CAT: variants seen among roughly 807,000 people sequenced by gnomAD.
CAT encodes the protein epididymis secretory sperm binding protein.
Under a neutral mutation model 59.0 loss-of-function variants are expected in CAT, and 43 were observed. The observed-to-expected ratio is 0.73, with a 90% CI of 0.57 to 0.94. The LOEUF (loss-of-function observed/expected upper bound fraction) is 0.94, where lower values mean the gene tolerates loss of function less well. Among genes scored for constraint, CAT ranks in the 40% least tolerant of loss-of-function variants. The pLI, the probability that CAT is intolerant of heterozygous loss-of-function variation, is 0.00. For missense variants in CAT, 664 were observed against 682.9 expected, an observed-to-expected ratio of 0.97 and a Z score of 0.31; for synonymous variants, 218 against 230.9, an observed-to-expected ratio of 0.94 and a Z score of 0.51.
rs58169234 is a variant in CAT at position 34,445,495 on chromosome 11, C to CAA, written c.67-3671_67-3670dup. Among the ~76,000 whole-genome samples, 303 of 36,316 alleles carry CAA rather than the reference C, an allele frequency of 8.3e-3. 47 individuals carry two copies. The highest frequency in any genetic ancestry group is 0.018 in the East Asian group (17 of 924). 23.8% of individuals were successfully genotyped at this position (36,316 alleles called of 152,430 possible). Reference sequence around the variant, plus strand: ...TGGGCAATAGAGCGAGACTCCATCTCAAAAAAAAAAAAAAAAAAAAAAAAA... The same window carrying CAA: ...TGGGCAATAGAGCGAGACTCCATCTCAAAAAAAAAAAAAAAAAAAAAAAAAAA... On this transcript the variant is annotated intron_variant, in intron 1 of 12. Coordinates refer to ENST00000241052, the MANE Select transcript of CAT (RefSeq NM_001752.4).
chr11:34,458,353 G>T (rs1856614100), intron 8 of CAT, among the ~76,000 whole-genome samples: 1 of 152,158 alleles, frequency 6.6e-6, no homozygotes, highest in Non-Finnish European at 1.5e-5. Context: ...GGAGTGAAAA[G>T]CTTTCTTCAG....
In CAT at chr11:34,439,087, C is replaced by G. The variant is rs756907377; in HGVS notation, c.66+8C>G. On this transcript the variant is annotated splice_region_variant and intron_variant, in intron 1 of 12. Coordinates refer to ENST00000241052, the MANE Select transcript of CAT (RefSeq NM_001752.4). ...GAGCAGCGGGCCGCGCAGGTACACT[C>G]TGTGCTCCCCGAGCGGGCCCGAAGG... is the stretch of plus-strand genomic sequence containing the variant. 6.3e-7 allele frequency: 1 copy of G among 1,581,036 alleles called. No homozygotes were observed. Among genetic ancestry groups the G allele is most frequent in the Admixed American group, 1.8e-5 (1 of 55,934 alleles).
At chr11:34,453,043 C>T (rs757679357) in intron 4 of CAT, 47 bp from the exon 5 acceptor site, 2 of 1,095,650 alleles carry the variant, frequency 1.8e-6, no homozygotes, top group South Asian at 1.2e-5. Flanking sequence ...CACCATAATT[C>T]CTGTAAACTT....
At chr11:34,454,933 A>G (rs1463048722) in intron 6 of CAT, among the ~76,000 whole-genome samples, 1 of 152,172 alleles carries the variant, frequency 6.6e-6, no homozygotes, top group Non-Finnish European at 1.5e-5. Flanking sequence ...TTGGCATAAT[A>G]TTACCAGCTA....
At chr11:34,459,249 T>G (rs1028423052) in intron 8 of CAT, among the ~76,000 whole-genome samples, 1 of 152,184 alleles carries the variant, frequency 6.6e-6, no homozygotes, top group African/African-American at 2.4e-5. Flanking sequence ...AATATGTAGA[T>G]TGTCTTGTTG....
At chr11:34,467,364 A>G (rs1414082160) in intron 10 of CAT, among the ~76,000 whole-genome samples, 1 of 152,222 alleles carries the variant, frequency 6.6e-6, no homozygotes, top group Non-Finnish European at 1.5e-5. Context: ...TAGTACTTTG[A>G]TTAGATTGTG....
chr11:34,439,955 T>C (rs1335330562), intron 1 of CAT, among the ~76,000 whole-genome samples: 1 of 152,188 alleles, frequency 6.6e-6, no homozygotes, highest in African/African-American at 2.4e-5. Flanking sequence ...TTTAACTTGG[T>C]GGTGGGGGAG....
Position 34,449,291 on chromosome 11 carries a change from G to A in CAT, c.166G>A (p.Val56Ile). 6.2e-7 allele frequency: 1 copy of A among 1,614,138 alleles called. No homozygotes were observed. The highest frequency in any genetic ancestry group is 1.1e-5 in the South Asian group (1 of 91,090). Reference sequence around the variant, plus strand: ...TGGGCCCCTTCTTGTTCAGGATGTGGTTTTCACTGATGAAATGGCTCATTT... The same window carrying A: ...TGGGCCCCTTCTTGTTCAGGATGTGATTTTCACTGATGAAATGGCTCATTT... ...PRGPLLVQDV[V>I]FTDEMAHFDR... Residue 56 changes from valine to isoleucine, a missense_variant, in exon 2 of 13, where the codon GTT (valine) becomes ATT (isoleucine). By Grantham distance (29) the Val-to-Ile change is conservative (BLOSUM62 3). Transcript: ENST00000241052.
In CAT at chr11:34,456,686, C is replaced by G. The variant is rs774258742; in HGVS notation, c.925C>G (p.Pro309Ala). The G allele has an allele frequency of 1.9e-6, 3 of 1,614,060 alleles. No homozygotes were observed. The highest frequency in any genetic ancestry group is 1.7e-5 in the Admixed American group (1 of 60,024). ...TCAGGTTTGGCCTCACAAGGACTAC[C>G]CTCTCATCCCAGTTGGTAAACTGGT... ...LTKVWPHKDY[P>A]LIPVGKLVLN... The change falls in exon 8 of 13, where the codon CCT becomes GCT. Residue 309 changes from proline to alanine, a missense_variant. By Grantham distance (27) the Pro-to-Ala change is conservative. Coordinates refer to ENST00000241052, the MANE Select transcript of CAT (RefSeq NM_001752.4).
intron 10 of CAT, among the ~76,000 whole-genome samples, chr11:34,467,660 C>T (rs949900094): frequency 1.3e-5 from 2 of 152,162 alleles, no homozygotes; most frequent in African/African-American, 4.8e-5. Context: ...CTTTTGATTT[C>T]AGAATGGGGC....
chr11:34,470,773 T>TA (rs1856764162), intron 11 of CAT, 185 bp from the exon 12 acceptor site: 1 of 688,334 alleles, frequency 1.5e-6, no homozygotes, highest in African/African-American at 1.7e-5. Flanking sequence ...AGCCAGTATA[T>TA]GTCAGAGTGT....
rs780687309 is a variant in CAT, at chr11:34,471,659, C to T, written c.*226C>T. ...CATTTAAAAAAAAAATTTGTTTTGA[C>T]GGATGATTGGATTATTCATTTAAAA... On this transcript the variant is annotated 3_prime_UTR_variant, in exon 13 of 13. Transcript: ENST00000241052. 52 of 547,590 alleles carry T rather than the reference C, an allele frequency of 9.5e-5. No individual in the cohort carries two copies. Among genetic ancestry groups the T allele is most frequent in the South Asian group, 5.1e-4 (24 of 47,356 alleles). 33.9% of individuals were successfully genotyped at this position (547,590 alleles called of 1,614,324 possible).
intron 1 of CAT, 24 bp downstream of exon 1, chr11:34,439,103 G>A (rs780078064): frequency 7.0e-6 from 11 of 1,566,322 alleles, no homozygotes; most frequent in Non-Finnish European, 9.5e-6. Context: ...TCCCCGAGCG[G>A]GCCCGAAGGT....
chr11:34,451,287 C>G (rs1856521403), intron 3 of CAT, among the ~76,000 whole-genome samples, 189 bp downstream of exon 3: 1 of 152,182 alleles, frequency 6.6e-6, no homozygotes, highest in African/African-American at 2.4e-5. Flanking sequence ...TTGTTGAGGT[C>G]TTAGGAAATC....
Position 34,471,631 on chromosome 11 carries a change from A to G in CAT, c.*198A>G. 3.4e-6 allele frequency: 2 copies of G among 591,922 alleles called. No homozygotes were observed. Among genetic ancestry groups the G allele is most frequent in the Admixed American group, 3.0e-5 (1 of 33,868 alleles). 36.7% of individuals were successfully genotyped at this position (591,922 alleles called of 1,614,324 possible). On this transcript the variant is annotated 3_prime_UTR_variant, in exon 13 of 13. Transcript: ENST00000241052. ...GGGAAAATGAAGGTTAGGATTTAAC[A>G]GTCATTTAAAAAAAAAATTTGTTTT...
At chr11:34,468,584 C>A in intron 11 of CAT, 189 bp downstream of exon 11, 1 of 629,700 alleles carries the variant, frequency 1.6e-6, no homozygotes, top group Admixed American at 2.6e-5. Flanking sequence ...TCTGGTCTGG[C>A]ATATCCATCG....
At chr11:34,454,096 C>G (rs755722836) in intron 6 of CAT, among the ~76,000 whole-genome samples, 170 bp downstream of exon 6, 5 of 152,200 alleles carry the variant, frequency 3.3e-5, no homozygotes, top group Non-Finnish European at 7.3e-5. Context: ...TGGCTACCAT[C>G]TGAGGACCTT....
intron 1 of CAT, among the ~76,000 whole-genome samples, chr11:34,439,814 TA>T (rs943701056): frequency 2.3e-4 from 35 of 152,186 alleles, no homozygotes; most frequent in Non-Finnish European, 4.0e-4. Context: ...ACGAGACACA[TA>T]AACAGATGAT....
In CAT at chr11:34,464,831, C is replaced by T. The variant is rs886079285; in HGVS notation, c.1326+596C>T. On this transcript the variant is annotated intron_variant, in intron 10 of 12. Coordinates refer to ENST00000241052, the MANE Select transcript of CAT (RefSeq NM_001752.4). ...GAAAACTCTCCTTTATGGCGTCTTT[C>T]TCCATTATTACTTTTTTTTTTTGGA... 5.9e-5 allele frequency among the ~76,000 whole-genome samples: 9 copies of T among 151,932 alleles called. No homozygotes were observed. The South Asian group carries it at 6.2e-4, about 11-fold the overall frequency.
Sources: gnomAD v4.1 joint callset for allele counts (sites outside exome capture counted in the v4.1 genomes callset) on GRCh38, gnomAD v4.1.1 for gene constraint, MANE v1.5 for transcripts, NCBI Gene and HGNC (gene_info 2026-07-23, HGNC 2026-07-21) for gene names.